Variants in CTPS2 observed in about 807,000 individuals in gnomAD.
The protein encoded by CTPS2 is CTP synthase 2.
In CTPS2, 19 loss-of-function variants were observed where a neutral mutation model predicts 46.8. That is an observed-to-expected ratio of 0.41 (90% CI 0.28 to 0.60). CTPS2 has a LOEUF of 0.60. CTPS2 is among the 20% of genes least tolerant of loss of function. The probability of loss-of-function intolerance (pLI) is 0.35; values close to 1 mark genes in which losing one functional copy is unlikely to be tolerated. For missense variants in CTPS2, 286 were observed against 447.6 expected (o/e 0.64, Z 3.26); for synonymous variants, 151 against 165.2 (o/e 0.91, Z 0.66).
intron 13 of CTPS2, among the ~76,000 whole-genome samples, chrX:16,656,282 G>C (rs987371685): frequency 1.8e-5 from 2 of 111,507 alleles, no homozygotes; most frequent in African/African-American, 3.3e-5. Context: ...AAACCCAATT[G>C]TACATGATAT....
At chrX:16,650,024 T>C (rs1464472821) in intron 13 of CTPS2, 1 of 111,318 alleles carries the variant, frequency 9.0e-6, no homozygotes, top group Non-Finnish European at 1.9e-5. Context: ...AATTATGGGG[T>C]TCATGCAGTC....
chrX:16,607,630 C>T (rs1006378700), intron 17 of CTPS2, among the ~76,000 whole-genome samples: 5 of 112,896 alleles, frequency 4.4e-5, no homozygotes, highest in African/African-American at 1.6e-4. Context: ...GTGAGCTTCT[C>T]CTAGCAGGTA....
chrX:16,667,045 A>G (rs1400200210), intron 13 of CTPS2, among the ~76,000 whole-genome samples: 1 of 110,950 alleles, frequency 9.0e-6, no homozygotes, highest in African/African-American at 3.3e-5. Flanking sequence ...GAGAAGATGG[A>G]CTATCAAGAA....
At chrX:16,602,840 T>C in intron 17 of CTPS2, among the ~76,000 whole-genome samples, 1 of 111,905 alleles carries the variant, frequency 8.9e-6, no homozygotes, top group Admixed American at 9.5e-5. Flanking sequence ...TTGTATTTTC[T>C]TAGTATTATT....
intron 6 of CTPS2, among the ~76,000 whole-genome samples, chrX:16,692,672 A>G (rs1923795203): frequency 9.0e-6 from 1 of 111,536 alleles, no homozygotes; most frequent in African/African-American, 3.3e-5. Context: ...GGCTAAGGGA[A>G]TAAGCCTTTT....
Position 16,589,325 on chromosome X carries a change from A to G in CTPS2, c.*492T>C, listed in dbSNP as rs1439310044. 1.8e-5 allele frequency: 2 copies of G among 111,830 alleles called. No individual in the cohort carries two copies. Among genetic ancestry groups the G allele is most frequent in the Non-Finnish European group, 3.8e-5 (2 of 53,201 alleles). The allele number at this position is 111,830 out of a possible 1,213,427, so 9.2% of individuals were successfully genotyped here. On this transcript the variant is annotated 3_prime_UTR_variant, in exon 19 of 19. Transcript: ENST00000359276. ...GGACCTATTCAATTTTACTTTTACCAGGAAATAAACAGGGTGAGAAACTGC... is the reference window on the plus strand; with the variant it reads ...GGACCTATTCAATTTTACTTTTACCGGGAAATAAACAGGGTGAGAAACTGC...
Position 16,589,265 on chromosome X carries a change from C to T in CTPS2, c.*552G>A, listed in dbSNP as rs142245573. 0.028 allele frequency: 3,162 copies of T among 111,648 alleles called. 58 individuals are homozygous for T. Among genetic ancestry groups the T allele is most frequent in the Non-Finnish European group, 0.044 (2,356 of 53,099 alleles). 9.2% of individuals were successfully genotyped at this position (111,648 alleles called of 1,213,427 possible). On this transcript the variant is annotated 3_prime_UTR_variant, in exon 19 of 19. Coordinates refer to ENST00000359276, the MANE Select transcript of CTPS2 (RefSeq NM_175859.3). The stretch of plus-strand genomic sequence containing the variant: ...TTTGGAGCCCCCTTAAATTTTGTGC[C>T]TGAGGCAAAGCCTTACTTGCCACCC...
Position 16,639,243 on chromosome X carries a change from C to T in CTPS2, c.1297G>A (p.Val433Met). The T allele has an allele frequency of 8.4e-7, 1 of 1,185,636 alleles. No homozygotes were observed. ...EFRPNAPVPL[V>M]IDMPEHNPGN... ...GGGTTGTGCTCGGGCATATCAATCACCTTAGAAAACAAAACAAGTCCAGTT... is the reference window on the plus strand; with the variant it reads ...GGGTTGTGCTCGGGCATATCAATCATCTTAGAAAACAAAACAAGTCCAGTT... Residue 433 changes from valine to methionine, a missense_variant and splice_region_variant, in exon 14 of 19, where the codon GTG (valine) becomes ATG (methionine). Coordinates refer to ENST00000359276, the MANE Select transcript of CTPS2 (RefSeq NM_175859.3).
intron 7 of CTPS2, among the ~76,000 whole-genome samples, chrX:16,690,522 C>T: frequency 9.0e-6 from 1 of 111,709 alleles, no homozygotes; most frequent in Non-Finnish European, 1.9e-5. Context: ...GGCTCTCCAT[C>T]AGACTATTTT....
chrX:16,673,555 T>C (rs1921962186), intron 10 of CTPS2, among the ~76,000 whole-genome samples: 2 of 109,819 alleles, frequency 1.8e-5, no homozygotes, highest in African/African-American at 6.7e-5. Context: ...TTTCTGTCTG[T>C]GCATTTATAT....
chrX:16,688,744 T>G (rs1353703858), intron 8 of CTPS2, among the ~76,000 whole-genome samples: 1 of 99,857 alleles, frequency 1.0e-5, no homozygotes, highest in Non-Finnish European at 2.0e-5. Context: ...TTAGGAAAAG[T>G]TAGCCAAATC....
intron 13 of CTPS2, among the ~76,000 whole-genome samples, chrX:16,648,579 T>A (rs1040907063): frequency 8.9e-6 from 1 of 112,516 alleles, no homozygotes; most frequent in African/African-American, 3.2e-5. Context: ...CACTGGCAAT[T>A]TTCTAAAATC....
chrX:16,699,486 T>C (rs900123205), intron 2 of CTPS2, among the ~76,000 whole-genome samples: 1 of 112,764 alleles, frequency 8.9e-6, no homozygotes, highest in African/African-American at 3.2e-5. Context: ...ATTAAAGCCA[T>C]AATTAGACAG....
chrX:16,633,261 A>T (rs6527693), intron 14 of CTPS2, among the ~76,000 whole-genome samples: 13 of 107,562 alleles, frequency 1.2e-4, no homozygotes, highest in African/African-American at 3.7e-4. Context: ...TTTTTTAAAA[A>T]TTTTTTTGTA....
chrX:16,623,774 G>GCAGT (rs2147210121), intron 14 of CTPS2, among the ~76,000 whole-genome samples: 1 of 92,492 alleles, frequency 1.1e-5, no homozygotes, highest in Non-Finnish European at 2.1e-5. Context: ...TATATACCCA[G>GCAGT]CAGTCATCCC....
At chrX:16,654,529 C>T (rs1441613927) in intron 13 of CTPS2, 4 of 994,233 alleles carry the variant, frequency 4.0e-6, no homozygotes, top group Non-Finnish European at 5.7e-6. Flanking sequence ...CAAAATAGAA[C>T]CCTGAGCACT....
At chrX:16,603,286 G>A (rs112109813) in intron 17 of CTPS2, among the ~76,000 whole-genome samples, 2,841 of 109,356 alleles carry the variant, frequency 0.026, 101 homozygotes, top group African/African-American at 0.088. Context: ...GCATGGTGGC[G>A]GGCACCTGTA....
At chrX:16,681,572 G>T (rs750041903) in intron 9 of CTPS2, among the ~76,000 whole-genome samples, 1 of 111,484 alleles carries the variant, frequency 9.0e-6, no homozygotes, top group Admixed American at 9.6e-5. Flanking sequence ...TGGAGACAGG[G>T]TCTCAATCTG....
chrX:16,651,319 G>C (rs777661041), intron 13 of CTPS2, among the ~76,000 whole-genome samples: 2 of 111,259 alleles, frequency 1.8e-5, no homozygotes, highest in East Asian at 5.7e-4. Context: ...CAGAAAACAA[G>C]GGCCAAGCCT....
Sources: allele counts gnomAD v4.1 joint callset (sites outside exome capture counted in the v4.1 genomes callset), GRCh38; gene constraint gnomAD v4.1.1; transcripts MANE v1.5; gene names NCBI Gene and HGNC (gene_info 2026-07-23, HGNC 2026-07-21).